The following SMARCAD1 variants were observed in gnomAD, a reference collection of about 807,000 sequenced individuals.
The protein encoded by SMARCAD1 is SNF2 related chromatin remodeling ATPase with DExD box 1.
In SMARCAD1, 25 loss-of-function variants were observed where a neutral mutation model predicts 127.1. The observed-to-expected ratio is 0.20, with a 90% confidence interval of 0.14 to 0.27. SMARCAD1 has a LOEUF of 0.27. Ranked by LOEUF, SMARCAD1 falls within the 10% of genes least tolerant of loss-of-function variation. The pLI is 1.00. For missense variants in SMARCAD1, 807 were observed against 1,206.0 expected (o/e 0.67, Z 4.90); for synonymous variants, 400 against 396.9 (o/e 1.01, Z -0.09).
chr4:94,275,599 A>G (rs1753141525), intron 14 of SMARCAD1, among the ~76,000 whole-genome samples: 1 of 152,042 alleles, frequency 6.6e-6, no homozygotes, highest in African/African-American at 2.4e-5. Context: ...GCTGCTAGCT[A>G]TTAACTATTA....
chr4:94,264,544 A>G (rs41275677), intron 9 of SMARCAD1, 163 bp from the exon 10 acceptor site: 38,999 of 576,444 alleles, frequency 0.068, 1,621 homozygotes, highest in Non-Finnish European at 0.087. Flanking sequence ...ACATGTAGCA[A>G]CTCAAATATA....
chr4:94,281,870 TAGC>T (rs1431804753), intron 21 of SMARCAD1, among the ~76,000 whole-genome samples: 2 of 102,732 alleles, frequency 1.9e-5, no homozygotes, highest in South Asian at 7.6e-4. Context: ...AAAACACCAA[TAGC>T]AACAACAACA....
chr4:94,212,310 G>A (rs992215067), intron 2 of SMARCAD1, among the ~76,000 whole-genome samples: 7 of 151,660 alleles, frequency 4.6e-5, no homozygotes, highest in African/African-American at 1.5e-4. Flanking sequence ...GAGGAGCTGC[G>A]ACTACAGGCT....
chr4:94,288,579 T>G (rs1755284620), intron 23 of SMARCAD1, among the ~76,000 whole-genome samples: 1 of 152,134 alleles, frequency 6.6e-6, no homozygotes, highest in Admixed American at 6.6e-5. Flanking sequence ...TGTTTTTTGT[T>G]TTTTTAACAG....
chr4:94,227,180 A>G (rs1296472927), intron 3 of SMARCAD1, among the ~76,000 whole-genome samples: 1 of 152,148 alleles, frequency 6.6e-6, no homozygotes, highest in African/African-American at 2.4e-5. Context: ...CAGTGACTAT[A>G]TTATGCCTGG....
At chr4:94,277,266 AGT>A in intron 16 of SMARCAD1, 107 bp downstream of exon 16, 10 of 1,240,340 alleles carry the variant, frequency 8.1e-6, no homozygotes, top group Non-Finnish European at 1.1e-5. Flanking sequence ...TGCTCTATGA[AGT>A]AACTTTAAGT....
chr4:94,281,383 A>G (rs1754002022), intron 20 of SMARCAD1, 89 bp from the exon 21 acceptor site: 2 of 893,016 alleles, frequency 2.2e-6, no homozygotes, highest in Non-Finnish European at 3.8e-6. Flanking sequence ...AACATGATAT[A>G]AGTAACACTT....
At chr4:94,249,521 AAAAG>A in intron 6 of SMARCAD1, 129 bp from the exon 7 acceptor site, 1 of 644,186 alleles carries the variant, frequency 1.6e-6, no homozygotes, top group Non-Finnish European at 2.8e-6. Flanking sequence ...CACAGAAACA[AAAAG>A]AAACAGTTTG....
chr4:94,274,301 C>T (rs1473616613), intron 12 of SMARCAD1, among the ~76,000 whole-genome samples: 1 of 151,948 alleles, frequency 6.6e-6, no homozygotes, highest in African/African-American at 2.4e-5. Flanking sequence ...AAAACAATCG[C>T]CATGGTATTT....
At chr4:94,288,787 A>G (rs1159124630) in intron 23 of SMARCAD1, among the ~76,000 whole-genome samples, 1 of 152,212 alleles carries the variant, frequency 6.6e-6, no homozygotes, top group South Asian at 2.1e-4. Context: ...GTCACTAACT[A>G]GTAAATTAAT....
At chr4:94,256,797 G>A (rs1750163727) in intron 9 of SMARCAD1, among the ~76,000 whole-genome samples, 1 of 151,556 alleles carries the variant, frequency 6.6e-6, no homozygotes, top group Non-Finnish European at 1.5e-5. Flanking sequence ...TATATATTCA[G>A]GCTTTGTTTT....
At chr4:94,220,896 G>GA (rs1351108227) in intron 2 of SMARCAD1, among the ~76,000 whole-genome samples, 4 of 152,222 alleles carry the variant, frequency 2.6e-5, no homozygotes, top group Non-Finnish European at 4.4e-5. Flanking sequence ...AACAAAATGT[G>GA]AAGTACGCAT....
chr4:94,234,942 C>T (rs1746403476), intron 4 of SMARCAD1, among the ~76,000 whole-genome samples: 1 of 152,094 alleles, frequency 6.6e-6, no homozygotes, highest in African/African-American at 2.4e-5. Flanking sequence ...GGGGTAGCTG[C>T]TGTCTAGCTT....
At chr4:94,264,959 T>C in intron 10 of SMARCAD1, 53 bp downstream of exon 10, 3 of 1,521,044 alleles carry the variant, frequency 2.0e-6, no homozygotes, top group Admixed American at 1.8e-5. Context: ...ATACAAAATA[T>C]CTGAATTTAT....
At chr4:94,271,799 G>C (rs1440494974) in intron 11 of SMARCAD1, among the ~76,000 whole-genome samples, 1 of 152,176 alleles carries the variant, frequency 6.6e-6, no homozygotes, top group Non-Finnish European at 1.5e-5. Flanking sequence ...ATCCTTTCCA[G>C]TTGACCTAAT....
chr4:94,215,840 A>G (rs562817223), intron 2 of SMARCAD1, among the ~76,000 whole-genome samples: 1 of 152,150 alleles, frequency 6.6e-6, no homozygotes, highest in African/African-American at 2.4e-5. Flanking sequence ...TAGTTTAAGT[A>G]TGTTTTCATA....
intron 20 of SMARCAD1, 85 bp downstream of exon 20, chr4:94,280,865 A>G: frequency 7.8e-7 from 1 of 1,283,842 alleles, no homozygotes; most frequent in Non-Finnish European, 1.1e-6. Flanking sequence ...ACTTGCTTGA[A>G]TTAGCCTATG....
chr4:94,275,041 A>C (rs528440795), intron 14 of SMARCAD1, 76 bp downstream of exon 14: 1 of 1,020,562 alleles, frequency 9.8e-7, no homozygotes, highest in Admixed American at 1.7e-5. Context: ...TAGTAGTACT[A>C]TGTAGGAAAG....
At chr4:94,250,938 G>A in intron 8 of SMARCAD1, 105 bp downstream of exon 8, 1 of 838,034 alleles carries the variant, frequency 1.2e-6, no homozygotes, top group Admixed American at 2.3e-5. Flanking sequence ...TAATCAGAGG[G>A]TGGGATTGCA....
Sources: gnomAD v4.1 joint callset for allele counts (sites outside exome capture counted in the v4.1 genomes callset) on GRCh38, gnomAD v4.1.1 for gene constraint, MANE v1.5 for transcripts, NCBI Gene and HGNC (gene_info 2026-07-23, HGNC 2026-07-21) for gene names.